USP54: variants seen among roughly 807,000 people sequenced by gnomAD.
USP54 encodes ubiquitin carboxyl-terminal hydrolase 54.
A neutral mutation model predicts 170.5 loss-of-function variants in USP54; 87 were observed. The ratio of observed to expected loss-of-function variants is 0.51; its 90% CI spans 0.43 to 0.61. USP54 has a LOEUF of 0.61. Among genes scored for constraint, USP54 ranks in the 20% least tolerant of loss-of-function variants. The probability of loss-of-function intolerance (pLI) is 0.00; values close to 1 mark genes in which losing one functional copy is unlikely to be tolerated. For synonymous variants in USP54, 655 were observed against 742.8 expected (o/e 0.88, Z 1.92); for missense variants, 1,786 against 2,047.8 (o/e 0.87, Z 2.47).
At chr10:73,588,567 C>T (rs1045971301) in intron 1 of USP54, among the ~76,000 whole-genome samples, 6 of 152,228 alleles carry the variant, frequency 3.9e-5, no homozygotes, top group Non-Finnish European at 8.8e-5. Flanking sequence ...CAATACAATT[C>T]ACCCAGACTA....
intron 1 of USP54, among the ~76,000 whole-genome samples, chr10:73,597,778 A>G (rs1015627919): frequency 1.3e-5 from 2 of 152,190 alleles, no homozygotes; most frequent in Non-Finnish European, 2.9e-5. Flanking sequence ...TGGTTATATA[A>G]GTGCTTAGTT....
At position 73,517,340 on chromosome 10, in the gene USP54, T is replaced by C; in HGVS notation, c.3086A>G (p.Lys1029Arg). Residue 1029 changes from lysine to arginine, a missense_variant, in exon 20 of 24, where the codon AAG (lysine) becomes AGG (arginine). Around this residue, in one of 3 missense-constraint regions of USP54, gnomAD observed 1,418 missense variants for 1,569.0 expected, o/e 0.90. Coordinates refer to ENST00000687698, the MANE Select transcript of USP54 (RefSeq NM_001391956.1). Reference sequence around the variant, plus strand: ...CGGGGAGGGGTTAGCAGGATCCTTCTTTTCTTGGAACAGCTGTTCTTGAGC... The same window carrying C: ...CGGGGAGGGGTTAGCAGGATCCTTCCTTTCTTGGAACAGCTGTTCTTGAGC... ...GIAQEQLFQE[K>R]KDPANPSPVM... is the part of the protein sequence containing the mutation. 1 of 1,612,148 alleles carries C rather than the reference T, an allele frequency of 6.2e-7. No individual in the cohort carries two copies. The highest frequency in any genetic ancestry group is 8.5e-7 in the Non-Finnish European group (1 of 1,179,062).
chr10:73,509,655 G>T (rs2059886799), intron 20 of USP54, among the ~76,000 whole-genome samples: 1 of 151,668 alleles, frequency 6.6e-6, no homozygotes, highest in Admixed American at 6.6e-5. Flanking sequence ...AGAGATACAT[G>T]CCAAATTATT....
chr10:73,505,102 G>C lies in USP54; in HGVS notation c.4171-112C>G, dbSNP rs543461291. ...AGTAGGGGAAGACTCAGTAGTAATAGACACCTGAATTAGATGTATTGGTAA... is the reference window on the plus strand; with the variant it reads ...AGTAGGGGAAGACTCAGTAGTAATACACACCTGAATTAGATGTATTGGTAA... On this transcript the variant is annotated intron_variant, in intron 21 of 23. Transcript: ENST00000687698. 1.6e-5 allele frequency: 23 copies of C among 1,454,190 alleles called. No individual in the cohort carries two copies. The African/African-American group carries it at 2.2e-4, about 14-fold the overall frequency. 90.1% of individuals were successfully genotyped at this position (1,454,190 alleles called of 1,614,324 possible). A position where few individuals can be genotyped will look rare whatever the true frequency, so the allele number is the denominator to read the frequency against.
chr10:73,624,733 C>A (rs2081387033), intron 1 of USP54, among the ~76,000 whole-genome samples: 1 of 152,158 alleles, frequency 6.6e-6, no homozygotes, highest in South Asian at 2.1e-4. Flanking sequence ...ACACCTGTTT[C>A]CAGAAAACAG....
intron 17 of USP54, 111 bp from the exon 18 acceptor site, chr10:73,521,138 C>A: frequency 7.0e-7 from 1 of 1,418,896 alleles, no homozygotes; most frequent in East Asian, 2.3e-5. Flanking sequence ...ACTGGTCTAC[C>A]CTTATTCCAA....
intron 4 of USP54, among the ~76,000 whole-genome samples, chr10:73,550,727 C>T (rs1320297256): frequency 2.0e-5 from 3 of 151,980 alleles, no homozygotes; most frequent in Non-Finnish European, 2.9e-5. Flanking sequence ...AAGGAATCAC[C>T]TTAAAAAGCA....
intron 9 of USP54, 73 bp from the exon 10 acceptor site, chr10:73,539,666 A>G (rs2066146836): frequency 7.0e-7 from 1 of 1,431,932 alleles, no homozygotes; most frequent in African/African-American, 1.4e-5. Flanking sequence ...AGCAGACTCC[A>G]CCAGCATTTC....
At chr10:73,528,225 C>T (rs1223949660) in intron 15 of USP54, among the ~76,000 whole-genome samples, 2 of 151,650 alleles carry the variant, frequency 1.3e-5, no homozygotes. Context: ...TGAGCCACCG[C>T]GCCTGGCCCA....
chr10:73,575,545 C>T lies in USP54; in HGVS notation c.114G>A (p.Gly38=). 6.2e-7 allele frequency: 1 copy of T among 1,613,840 alleles called. No individual in the cohort carries two copies. Among genetic ancestry groups the T allele is most frequent in the Non-Finnish European group, 8.5e-7 (1 of 1,179,866 alleles). ...CACTGTTGAGGAAGCAGCTGTTTTG[C>T]CCTGGCTCATTGCTGAGGCCTTTGC... ...APSKGLSNEP[G]QNSCFLNSAL... is the part of the protein sequence containing the mutation. Residue 38 remains glycine (G), a synonymous_variant, in exon 3 of 24, where the codon GGG becomes GGA. Coordinates refer to ENST00000687698, the MANE Select transcript of USP54 (RefSeq NM_001391956.1).
At chr10:73,576,761 C>T (rs1004968816) in intron 1 of USP54, among the ~76,000 whole-genome samples, 2 of 152,174 alleles carry the variant, frequency 1.3e-5, no homozygotes, top group Non-Finnish European at 2.9e-5. Context: ...AAGGTGTTTT[C>T]CATGAATATG....
intron 4 of USP54, among the ~76,000 whole-genome samples, chr10:73,546,150 C>T (rs181367595): frequency 2.4e-3 from 371 of 152,174 alleles, no homozygotes; most frequent in African/African-American, 8.5e-3. Context: ...GAGTCTAATA[C>T]CCAGAAATAA....
intron 4 of USP54, among the ~76,000 whole-genome samples, chr10:73,552,850 A>G (rs996330557): frequency 2.0e-5 from 3 of 152,152 alleles, no homozygotes; most frequent in African/African-American, 7.2e-5. Context: ...TGTCAGTGTG[A>G]TAAGTGCTAA....
chr10:73,571,391 A>G, intron 4 of USP54, 30 bp downstream of exon 4: 1 of 1,586,378 alleles, frequency 6.3e-7, no homozygotes, highest in Non-Finnish European at 8.6e-7. Context: ...ACCCAATGGT[A>G]GTGAGAAGAA....
chr10:73,573,334 T>C (rs2075558141), intron 3 of USP54, among the ~76,000 whole-genome samples: 1 of 152,020 alleles, frequency 6.6e-6, no homozygotes, highest in South Asian at 2.1e-4. Context: ...CTAATATGCA[T>C]CATCCAGGAC....
chr10:73,511,143 G>C (rs968569054), intron 20 of USP54, among the ~76,000 whole-genome samples: 21 of 138,146 alleles, frequency 1.5e-4, no homozygotes, highest in Non-Finnish European at 2.9e-4. Context: ...CTGTTGCCCA[G>C]GCTGAAGTGC....
chr10:73,522,408 C>T (rs2062042241), intron 17 of USP54, among the ~76,000 whole-genome samples: 1 of 152,224 alleles, frequency 6.6e-6, no homozygotes, highest in African/African-American at 2.4e-5. Context: ...CCTTCAGAAT[C>T]TTAGCATTCC....
intron 1 of USP54, among the ~76,000 whole-genome samples, chr10:73,598,824 G>A (rs1051006898): frequency 2.0e-5 from 3 of 152,238 alleles, no homozygotes; most frequent in Admixed American, 6.5e-5. Context: ...GGAGGCTGAG[G>A]CAGGAGAATC....
rs563265185 is a variant in USP54 at position 73,614,555 on chromosome 10, C to T, written c.-18+11012G>A. On this transcript the variant is annotated intron_variant, in intron 1 of 22. Coordinates refer to the USP54 transcript ENST00000339859. ...AGCCTAGGCAACAAAAGTGAGACTC[C>T]GTCTCCAAAAAAAAAAAAAAAAAAA... is the stretch of plus-strand genomic sequence containing the variant. 1.5e-4 allele frequency among the ~76,000 whole-genome samples: 19 copies of T among 126,218 alleles called. No individual in the cohort carries two copies. The South Asian group carries it at 4.0e-3, about 26-fold the overall frequency. 82.8% of individuals were successfully genotyped at this position (126,218 alleles called of 152,430 possible).
Sources: gnomAD v4.1 joint callset for allele counts (sites outside exome capture counted in the v4.1 genomes callset) on GRCh38, gnomAD v4.1.1 for gene constraint, gnomAD v4.1.1 regional missense constraint, MANE v1.5 for transcripts, NCBI Gene and HGNC (gene_info 2026-07-23, HGNC 2026-07-21) for gene names.